Variants in THSD4 observed in about 807,000 individuals in gnomAD.
THSD4 encodes thrombospondin type-1 domain-containing protein 4.
In THSD4, 69 loss-of-function variants were observed where a neutral mutation model predicts 119.0. That is an observed-to-expected ratio of 0.58 (90% CI 0.48 to 0.71). The LOEUF (loss-of-function observed/expected upper bound fraction) is 0.71. THSD4 is among the 30% of genes least tolerant of loss of function. The pLI is 0.00. For synonymous variants in THSD4, 524 were observed against 540.4 expected, an observed-to-expected ratio of 0.97 and a Z score of 0.42; for missense variants, 1,393 against 1,391.1, an observed-to-expected ratio of 1.00 and a Z score of -0.02.
chr15:71,283,261 G>A (rs915009002), intron 6 of THSD4, among the ~76,000 whole-genome samples: 2 of 152,122 alleles, frequency 1.3e-5, no homozygotes, highest in Admixed American at 6.5e-5. Context: ...GAGCCATCGC[G>A]CCCGGCCAGG....
At chr15:71,303,321 G>A (rs1180695811) in intron 6 of THSD4, among the ~76,000 whole-genome samples, 1 of 152,186 alleles carries the variant, frequency 6.6e-6, no homozygotes, top group Non-Finnish European at 1.5e-5. Context: ...GAGCTGCCTG[G>A]TCAGGAGGGG....
intron 6 of THSD4, among the ~76,000 whole-genome samples, chr15:71,395,302 T>C (rs959900417): frequency 1.3e-5 from 2 of 152,124 alleles, no homozygotes; most frequent in Admixed American, 1.3e-4. Context: ...CTAAGGGACA[T>C]GCCGTGAAGG....
intron 7 of THSD4, among the ~76,000 whole-genome samples, chr15:71,633,239 A>G (rs1266876304): frequency 6.3e-5 from 8 of 127,096 alleles, no homozygotes; most frequent in Admixed American, 3.0e-4. Flanking sequence ...CAAAAGCAGT[A>G]TTTCTTCTTT....
At chr15:71,109,856 C>T (rs773356024) in intron 1 of THSD4, among the ~76,000 whole-genome samples, 1 of 152,100 alleles carries the variant, frequency 6.6e-6, no homozygotes, top group African/African-American at 2.4e-5. Flanking sequence ...GTGAGTGAGG[C>T]AAGGCAAAGC....
intron 6 of THSD4, among the ~76,000 whole-genome samples, chr15:71,319,808 T>G (rs995290542): frequency 6.6e-6 from 1 of 152,192 alleles, no homozygotes; most frequent in African/African-American, 2.4e-5. Context: ...AGGATGGCCC[T>G]GAATGTGAGT....
At position 71,669,105 on chromosome 15, in the gene THSD4, A is replaced by T. The variant is rs550647776; in HGVS notation, c.1357+8371A>T. ...CAAAATTTCTCTCCAAAGTCGTGCC[A>T]ATTTACACTCCCACCAGAAGCACAT... On this transcript the variant is annotated intron_variant, in intron 8 of 17. Coordinates refer to ENST00000261862, the MANE Select transcript of THSD4 (RefSeq NM_024817.3). 2.6e-4 allele frequency among the ~76,000 whole-genome samples: 39 copies of T among 152,336 alleles called. 3 individuals carry two copies. In the South Asian group the frequency reaches 8.1e-3, roughly 32 times the overall value.
intron 6 of THSD4, among the ~76,000 whole-genome samples, chr15:71,274,350 C>T (rs1182062734): frequency 6.6e-6 from 1 of 152,146 alleles, no homozygotes; most frequent in Non-Finnish European, 1.5e-5. Context: ...ATTCCTCCTT[C>T]TTGTTGTGTT....
intron 7 of THSD4, among the ~76,000 whole-genome samples, chr15:71,468,320 G>T (rs113353298): frequency 6.6e-6 from 1 of 152,138 alleles, no homozygotes; most frequent in East Asian, 1.9e-4. Flanking sequence ...ACCCAGTCTC[G>T]GGTAGGTCTT....
intron 7 of THSD4, among the ~76,000 whole-genome samples, chr15:71,590,348 A>ATGG (rs1356462527): frequency 2.2e-5 from 3 of 136,402 alleles, no homozygotes; most frequent in African/African-American, 7.7e-5. Context: ...GACTAGGTTG[A>ATGG]TAGGAATAGG....
chr15:71,575,124 T>C (rs185839928), intron 7 of THSD4, among the ~76,000 whole-genome samples: 2 of 152,322 alleles, frequency 1.3e-5, no homozygotes, highest in Non-Finnish European at 2.9e-5. Flanking sequence ...ATTACTCTCT[T>C]GTCTCAGCAC....
At chr15:71,553,900 T>A (rs1366694732) in intron 7 of THSD4, among the ~76,000 whole-genome samples, 6 of 152,184 alleles carry the variant, frequency 3.9e-5, no homozygotes, top group Non-Finnish European at 8.8e-5. Flanking sequence ...TCATTAAATT[T>A]GCTACTGTAT....
At chr15:71,666,070 T>C (rs1209215505) in intron 8 of THSD4, among the ~76,000 whole-genome samples, 3 of 152,200 alleles carry the variant, frequency 2.0e-5, no homozygotes, top group Admixed American at 6.5e-5. Flanking sequence ...AGGAATAACA[T>C]TGAATCTGTA....
At chr15:71,196,805 G>A (rs772267984) in intron 3 of THSD4, among the ~76,000 whole-genome samples, 5 of 152,174 alleles carry the variant, frequency 3.3e-5, no homozygotes, top group Non-Finnish European at 5.9e-5. Flanking sequence ...AGTAAAATGA[G>A]GAATAGCAGC....
chr15:71,393,575 G>A (rs758293440), intron 6 of THSD4, among the ~76,000 whole-genome samples: 1 of 152,154 alleles, frequency 6.6e-6, no homozygotes, highest in Non-Finnish European at 1.5e-5. Flanking sequence ...TTGTGCGTGA[G>A]CAGATGGCTC....
At chr15:71,150,859 T>C (rs2040715318) in intron 2 of THSD4, among the ~76,000 whole-genome samples, 1 of 152,158 alleles carries the variant, frequency 6.6e-6, no homozygotes, top group Admixed American at 6.5e-5. Context: ...ATCTTGAAAT[T>C]TCAGGGGTCA....
intron 8 of THSD4, among the ~76,000 whole-genome samples, chr15:71,727,531 TAAAAAAAAAAAAAA>T (rs368424121): frequency 3.2e-4 from 5 of 15,698 alleles, no homozygotes; most frequent in Admixed American, 2.1e-3. Context: ...CCCCATCTCT[TAAAAAAAAAAAAAA>T]AAAAAAAAAT....
intron 1 of THSD4, among the ~76,000 whole-genome samples, chr15:71,098,083 C>T (rs1003043604): frequency 1.3e-5 from 2 of 151,994 alleles, no homozygotes; most frequent in Non-Finnish European, 2.9e-5. Flanking sequence ...TGTGAGCACA[C>T]TGTGTCCCAA....
At chr15:71,307,723 G>T (rs557672103) in intron 6 of THSD4, among the ~76,000 whole-genome samples, 1 of 152,122 alleles carries the variant, frequency 6.6e-6, no homozygotes, top group African/African-American at 2.4e-5. Flanking sequence ...AGCTGAGATC[G>T]CACCACTGCA....
chr15:71,776,478 C>T (rs934159581), intron 17 of THSD4, among the ~76,000 whole-genome samples: 1 of 152,158 alleles, frequency 6.6e-6, no homozygotes, highest in Admixed American at 6.5e-5. Context: ...TTCAGCCTCA[C>T]GTGGGAATCA....
Sources: allele counts gnomAD v4.1 joint callset (sites outside exome capture counted in the v4.1 genomes callset), GRCh38; gene constraint gnomAD v4.1.1; transcripts MANE v1.5; gene names NCBI Gene and HGNC (gene_info 2026-07-23, HGNC 2026-07-21).